Variants in TMPRSS15 observed in about 807,000 individuals in gnomAD.
TMPRSS15 encodes transmembrane serine protease 15, also known as enteropeptidase.
Under a neutral mutation model 125.3 loss-of-function variants are expected in TMPRSS15, and 128 were observed. The ratio of observed to expected loss-of-function variants is 1.02; its 90% CI spans 0.89 to 1.18. The LOEUF (loss-of-function observed/expected upper bound fraction) is 1.18, where lower values mean the gene tolerates loss of function less well. TMPRSS15 is among the 50% of genes most tolerant of loss of function. TMPRSS15 has a pLI of 0.00. For missense variants in TMPRSS15, 1,283 were observed against 1,212.7 expected (o/e 1.06, Z -0.86); for synonymous variants, 446 against 423.2 (o/e 1.05, Z -0.66).
chr21:18,427,191 A>G lies in TMPRSS15; in HGVS notation c.11-28862T>C, dbSNP rs183697863. ...TCACTTCTCTCTCCTTCGCTAGCTC[A>G]TTTGTGTCTGTCTGAAGCATGCAGT... On this transcript the variant is annotated intron_variant, in intron 1 of 7. Coordinates refer to the TMPRSS15 transcript ENST00000422787. Among the ~76,000 whole-genome samples the G allele has an allele frequency of 3.5e-3, 540 of 152,292 alleles. 1 individual carries two copies. The highest frequency in any genetic ancestry group is 6.0e-3 in the Non-Finnish European group (405 of 68,018).
intron 2 of TMPRSS15, 84 bp from the exon 3 acceptor site, chr21:18,398,030 T>C (rs2076055833): frequency 1.6e-6 from 2 of 1,238,332 alleles, no homozygotes; most frequent in Admixed American, 2.1e-5. Flanking sequence ...GCAATCTTTA[T>C]GTTCTGCTTA....
intron 10 of TMPRSS15, among the ~76,000 whole-genome samples, 195 bp downstream of exon 10, chr21:18,352,708 A>G (rs2075582569): frequency 1.3e-5 from 2 of 151,916 alleles, no homozygotes; most frequent in Admixed American, 6.6e-5. Context: ...GTAAACCAAT[A>G]TATTTCTTGA....
chr21:18,339,965 T>G (rs2075430811), intron 13 of TMPRSS15, among the ~76,000 whole-genome samples: 1 of 152,202 alleles, frequency 6.6e-6, no homozygotes, highest in South Asian at 2.1e-4. Context: ...TATAGGACAT[T>G]GTGAACCTTG....
At chr21:18,411,116 G>T (rs1196202563) in intron 1 of TMPRSS15, among the ~76,000 whole-genome samples, 1 of 152,058 alleles carries the variant, frequency 6.6e-6, no homozygotes. Flanking sequence ...CCATTAAACA[G>T]CAGTTACATT....
intron 16 of TMPRSS15, among the ~76,000 whole-genome samples, 171 bp downstream of exon 16, chr21:18,326,261 G>GT (rs2075288880): frequency 2.6e-5 from 4 of 152,062 alleles, no homozygotes; most frequent in Admixed American, 2.0e-4. Flanking sequence ...AACGAACTCA[G>GT]GTAACGGTAC....
chr21:18,284,697 G>A (rs374921251), intron 21 of TMPRSS15, among the ~76,000 whole-genome samples: 2 of 152,278 alleles, frequency 1.3e-5, no homozygotes, highest in Non-Finnish European at 2.9e-5. Flanking sequence ...TCCCCAATCC[G>A]GTGGAGGATA....
At chr21:18,298,174 C>T (rs2074928284) in intron 18 of TMPRSS15, among the ~76,000 whole-genome samples, 1 of 152,122 alleles carries the variant, frequency 6.6e-6, no homozygotes, top group East Asian at 1.9e-4. Context: ...AAATAGTTTC[C>T]ATAAAAACCG....
chr21:18,307,369 C>T lies in TMPRSS15; in HGVS notation c.2165+5576G>A, dbSNP rs535801658. The stretch of plus-strand genomic sequence containing the variant: ...GTATCTGGTTAGAAGGACTACGATT[C>T]GTGGGAAATGGGATCAGTGAACTAG... On this transcript the variant is annotated intron_variant, in intron 18 of 24. Coordinates refer to ENST00000284885, the MANE Select transcript of TMPRSS15 (RefSeq NM_002772.3). Among the ~76,000 whole-genome samples the T allele has an allele frequency of 1.3e-4, 20 of 152,190 alleles. No individual in the cohort carries two copies. In the South Asian group the frequency reaches 3.5e-3, roughly 27 times the overall value.
At chr21:18,361,034 T>C (rs2075675379) in intron 7 of TMPRSS15, among the ~76,000 whole-genome samples, 1 of 152,196 alleles carries the variant, frequency 6.6e-6, no homozygotes. Flanking sequence ...ATTCCTGTAT[T>C]ATCTAATACT....
At chr21:18,451,384 C>CT (rs763949920) in intron 1 of TMPRSS15, among the ~76,000 whole-genome samples, 29 of 147,984 alleles carry the variant, frequency 2.0e-4, no homozygotes, top group East Asian at 5.9e-4. Flanking sequence ...TTTGTCTGCC[C>CT]TTTTTTTTTT....
chr21:18,292,786 A>C (rs2074854351), intron 21 of TMPRSS15, among the ~76,000 whole-genome samples: 1 of 152,214 alleles, frequency 6.6e-6, no homozygotes, highest in South Asian at 2.1e-4. Context: ...GACATGTCCA[A>C]CGCAAACAAC....
intron 1 of TMPRSS15, among the ~76,000 whole-genome samples, chr21:18,413,474 G>C (rs1316592982): frequency 6.6e-6 from 1 of 150,698 alleles, no homozygotes; most frequent in East Asian, 2.0e-4. Flanking sequence ...CTGGAGTGCA[G>C]TGGCTTGGTC....
At chr21:18,344,081 A>G (rs1426205933) in intron 10 of TMPRSS15, 21 bp from the exon 11 acceptor site, 5 of 1,582,850 alleles carry the variant, frequency 3.2e-6, no homozygotes, top group Non-Finnish European at 4.3e-6. Flanking sequence ...ATCAAAAAAA[A>G]TTTATTTCAC....
At position 18,315,215 on chromosome 21, in the gene TMPRSS15, A is replaced by G. The variant is rs1233041809; in HGVS notation, c.1963T>C (p.Cys655Arg). The G allele has an allele frequency of 1.2e-6, 2 of 1,613,874 alleles. No individual in the cohort carries two copies. The highest frequency in any genetic ancestry group is 2.7e-5 in the African/African-American group (2 of 75,030). Residue 655 changes from cysteine (C) to arginine (R), a missense_variant, in exon 17 of 25, where the codon TGT (cysteine) becomes CGT (arginine). Cys to Arg is a radical substitution (Grantham distance 180). Transcript: ENST00000284885. ...TCACAGAGATTCACCAGTGGAACACACTCTCCATTTTTACATTGAAAATGG... is the reference window on the plus strand; with the variant it reads ...TCACAGAGATTCACCAGTGGAACACGCTCTCCATTTTTACATTGAAAATGG... Reference protein sequence around the residue: ...ADHFQCKNGECVPLVNLCDGH... With the variant: ...ADHFQCKNGERVPLVNLCDGH...
At chr21:18,348,605 T>G (rs2824758) in intron 10 of TMPRSS15, among the ~76,000 whole-genome samples, 40,370 of 152,088 alleles carry the variant, frequency 0.27, 5,490 homozygotes, top group Middle Eastern at 0.32. Context: ...TTTTCTAAAA[T>G]TCAACATCAC....
chr21:18,461,052 G>C (rs2122910440), intron 1 of TMPRSS15, among the ~76,000 whole-genome samples: 5,072 of 152,034 alleles, frequency 0.033, 297 homozygotes, highest in African/African-American at 0.12. Context: ...CCTTGTCTTA[G>C]AGCTTGAAAA....
At chr21:18,464,956 A>G (rs1568734689) in intron 1 of TMPRSS15, among the ~76,000 whole-genome samples, 1 of 152,194 alleles carries the variant, frequency 6.6e-6, no homozygotes, top group Non-Finnish European at 1.5e-5. Flanking sequence ...AGACACAAGA[A>G]AAGAAGAAAA....
At chr21:18,466,369 A>G (rs1054221970) in intron 1 of TMPRSS15, among the ~76,000 whole-genome samples, 6 of 152,224 alleles carry the variant, frequency 3.9e-5, no homozygotes, top group African/African-American at 1.4e-4. Context: ...CTTCATGACT[A>G]AAACACCAAA....
At chr21:18,408,025 A>G (rs955119530), upstream of TMPRSS15, among the ~76,000 whole-genome samples, 8 of 152,208 alleles carry the variant, frequency 5.3e-5, no homozygotes, top group Non-Finnish European at 1.0e-4. Flanking sequence ...GAGTGGGTGT[A>G]GCCAATGCTT....
Sources: allele counts gnomAD v4.1 joint callset (sites outside exome capture counted in the v4.1 genomes callset), GRCh38; gene constraint gnomAD v4.1.1; transcripts MANE v1.5; gene names NCBI Gene and HGNC (gene_info 2026-07-23, HGNC 2026-07-21).